The following CREB5 variants were observed in gnomAD, a reference collection of about 807,000 sequenced individuals.
The protein encoded by CREB5 is cAMP responsive element binding protein 5, also known as cyclic AMP-responsive element-binding protein 5.
In CREB5, 19 loss-of-function variants were observed where a neutral mutation model predicts 57.1. That is an observed-to-expected ratio of 0.33 (90% confidence interval 0.23 to 0.49). The LOEUF (loss-of-function observed/expected upper bound fraction) is 0.49. CREB5 is among the 20% of genes least tolerant of loss of function. The probability of loss-of-function intolerance (pLI) is 0.99; values close to 1 mark genes in which losing one functional copy is unlikely to be tolerated. For synonymous variants in CREB5, 238 were observed against 238.3 expected, an observed-to-expected ratio of 1.00 and a Z score of 0.01; for missense variants, 579 against 671.6, an observed-to-expected ratio of 0.86 and a Z score of 1.52.
In CREB5 at chr7:28,360,941, T is replaced by G. The variant is rs180887260; in HGVS notation, c.-25+61500T>G. Among the ~76,000 whole-genome samples the G allele has an allele frequency of 3.1e-3, 475 of 152,202 alleles. 2 individuals carry two copies. Among genetic ancestry groups the G allele is most frequent in the Non-Finnish European group, 3.3e-3 (223 of 68,012 alleles). On this transcript the variant is annotated intron_variant, in intron 1 of 9. Coordinates refer to the CREB5 transcript ENST00000396299. ...ATATTGGCAATGTCTACAGACATTT[T>G]TAGTTGTAACCACTGAGGGGCAGGG... is the stretch of plus-strand genomic sequence containing the variant.
rs80285851 is a variant in CREB5 at position 28,713,666 on chromosome 7, T to C, written c.465-5087T>C. Among the ~76,000 whole-genome samples the C allele has an allele frequency of 3.2e-4, 49 of 152,284 alleles. 1 individual carries two copies. The East Asian group carries it at 8.1e-3, about 25-fold the overall frequency. ...ACCCTTATCATGATGGAAGTCATAA[T>C]CTAGTTGGATTAAGAACATCTTGTT... is the stretch of plus-strand genomic sequence containing the variant. On this transcript the variant is annotated intron_variant, in intron 5 of 10. Transcript: ENST00000357727.
chr7:28,359,526 A>T (rs1047382477), intron 1 of CREB5, among the ~76,000 whole-genome samples: 2 of 152,210 alleles, frequency 1.3e-5, no homozygotes, highest in African/African-American at 4.8e-5. Flanking sequence ...TGTACAGAAG[A>T]ACGAAATTGA....
chr7:28,393,115 C>A (rs575334539), intron 1 of CREB5, among the ~76,000 whole-genome samples: 6 of 152,244 alleles, frequency 3.9e-5, no homozygotes, highest in Non-Finnish European at 8.8e-5. Context: ...TTAGTAGAGA[C>A]GGAGTTTCTC....
At chr7:28,481,135 C>A (rs1312589106) in intron 1 of CREB5, among the ~76,000 whole-genome samples, 1 of 152,222 alleles carries the variant, frequency 6.6e-6, no homozygotes, top group Non-Finnish European at 1.5e-5. Context: ...ACGGCCCCCT[C>A]TGGGAAGTAA....
chr7:28,574,635 G>T (rs980224936), intron 5 of CREB5, among the ~76,000 whole-genome samples: 1 of 152,176 alleles, frequency 6.6e-6, no homozygotes, highest in Non-Finnish European at 1.5e-5. Context: ...GAGCTCTGAC[G>T]GGTTATGGGA....
Position 28,686,705 on chromosome 7 carries a change from G to A in CREB5, c.465-32048G>A, listed in dbSNP as rs145943926. Among the ~76,000 whole-genome samples, 277 of 152,254 alleles carry A rather than the reference G, an allele frequency of 1.8e-3. 1 individual carries two copies. The highest frequency in any genetic ancestry group is 2.5e-3 in the Admixed American group (38 of 15,296). ...GTAATGTGAGAGCGAGGGGGTCAGG[G>A]TTGCAAAGCATTTACCTGCTCTCAA... On this transcript the variant is annotated intron_variant, in intron 5 of 10. Coordinates refer to ENST00000357727, the MANE Select transcript of CREB5 (RefSeq NM_182898.4).
At chr7:28,674,681 G>A (rs1030905399) in intron 5 of CREB5, among the ~76,000 whole-genome samples, 7 of 152,280 alleles carry the variant, frequency 4.6e-5, no homozygotes, top group East Asian at 1.9e-4. Context: ...GATCACAGTC[G>A]TCTTCACCAC....
At chr7:28,621,564 T>G (rs1797792190) in intron 5 of CREB5, among the ~76,000 whole-genome samples, 1 of 152,144 alleles carries the variant, frequency 6.6e-6, no homozygotes, top group Non-Finnish European at 1.5e-5. Context: ...TTATTTTGTC[T>G]TGTTTTGTTT....
At chr7:28,576,240 A>C (rs750673860) in intron 5 of CREB5, among the ~76,000 whole-genome samples, 7 of 152,214 alleles carry the variant, frequency 4.6e-5, no homozygotes, top group Non-Finnish European at 7.3e-5. Context: ...TGATACTGAC[A>C]CTGAAGAAGA....
chr7:28,729,152 G>A (rs1243109945), intron 7 of CREB5, among the ~76,000 whole-genome samples: 1 of 152,198 alleles, frequency 6.6e-6, no homozygotes, highest in Non-Finnish European at 1.5e-5. Flanking sequence ...GGATGAGAAA[G>A]ACAAGGCATC....
intron 5 of CREB5, among the ~76,000 whole-genome samples, chr7:28,667,620 C>T (rs537394689): frequency 3.3e-5 from 5 of 151,608 alleles, no homozygotes; most frequent in Admixed American, 1.3e-4. Flanking sequence ...AAGATGAAAC[C>T]GTTAAAAAAG....
At chr7:28,644,030 A>G (rs762451842) in intron 5 of CREB5, among the ~76,000 whole-genome samples, 68 of 152,108 alleles carry the variant, frequency 4.5e-4, no homozygotes, top group Non-Finnish European at 8.4e-4. Flanking sequence ...GTGAGCTAGG[A>G]TCCCCTCACT....
chr7:28,734,691 C>T (rs370047136), intron 7 of CREB5, among the ~76,000 whole-genome samples: 2 of 152,104 alleles, frequency 1.3e-5, no homozygotes, highest in Admixed American at 6.5e-5. Context: ...AGGGAATAAA[C>T]ATTATAACGC....
At chr7:28,802,078 G>GAAAAAAAA (rs35658848) in intron 7 of CREB5, among the ~76,000 whole-genome samples, 305 of 26,630 alleles carry the variant, frequency 0.011, 67 homozygotes, top group Non-Finnish European at 0.016. Flanking sequence ...GACTCCATCT[G>GAAAAAAAA]AAAAAAAAAA....
upstream of CREB5, chr7:28,410,260 C>T (rs1192468599): frequency 8.8e-6 from 4 of 455,522 alleles, no homozygotes; most frequent in East Asian, 2.1e-4. Flanking sequence ...GTCCACTCCT[C>T]CGGCCGCCTC....
chr7:28,660,627 T>C (rs558677489), intron 5 of CREB5, among the ~76,000 whole-genome samples: 19 of 152,282 alleles, frequency 1.2e-4, no homozygotes, highest in Admixed American at 1.1e-3. Context: ...TGAGAAGTCC[T>C]ATAGTAAAAA....
intron 2 of CREB5, 151 bp from the exon 3 acceptor site, chr7:28,494,755 C>T (rs1433285306): frequency 1.8e-6 from 1 of 561,362 alleles, no homozygotes; most frequent in Non-Finnish European, 3.1e-6. Context: ...CTTACTCATG[C>T]TTTCACACTT....
At chr7:28,812,505 C>T (rs949451275) in intron 9 of CREB5, among the ~76,000 whole-genome samples, 1 of 152,138 alleles carries the variant, frequency 6.6e-6, no homozygotes, top group South Asian at 2.1e-4. Context: ...AACTAGAACT[C>T]TAGCTCCCAA....
At chr7:28,562,180 A>G (rs557441912) in intron 4 of CREB5, among the ~76,000 whole-genome samples, 1 of 152,314 alleles carries the variant, frequency 6.6e-6, no homozygotes, top group South Asian at 2.1e-4. Context: ...CTTTTAACCC[A>G]TATGATTATA....
Sources: gnomAD v4.1 joint callset for allele counts (sites outside exome capture counted in the v4.1 genomes callset) on GRCh38, gnomAD v4.1.1 for gene constraint, MANE v1.5 for transcripts, NCBI Gene and HGNC (gene_info 2026-07-23, HGNC 2026-07-21) for gene names.